Variants in NCKAP5 observed in about 807,000 individuals in gnomAD.
NCKAP5 encodes nck-associated protein 5.
Under a neutral mutation model 167.0 loss-of-function variants are expected in NCKAP5, and 92 were observed. That is an observed-to-expected ratio of 0.55 (90% confidence interval 0.47 to 0.66). The LOEUF (loss-of-function observed/expected upper bound fraction) is 0.66, where lower values mean the gene tolerates loss of function less well. Ranked by LOEUF, NCKAP5 falls within the 30% of genes least tolerant of loss-of-function variation. The pLI is 0.00. For missense variants in NCKAP5, 2,378 were observed against 2,315.0 expected (o/e 1.03, Z -0.56); for synonymous variants, 891 against 877.4 (o/e 1.02, Z -0.27).
intron 8 of NCKAP5, among the ~76,000 whole-genome samples, chr2:132,906,443 G>A (rs1461074723): frequency 6.6e-6 from 1 of 152,134 alleles, no homozygotes; most frequent in African/African-American, 2.4e-5. Context: ...GCCATGCAGA[G>A]GTGATATGGA....
intron 4 of NCKAP5, among the ~76,000 whole-genome samples, chr2:133,276,901 T>G (rs555483350): frequency 3.9e-5 from 6 of 152,130 alleles, no homozygotes; most frequent in Non-Finnish European, 8.8e-5. Flanking sequence ...CTTTAGTATA[T>G]GACACCCTGT....
intron 10 of NCKAP5, among the ~76,000 whole-genome samples, chr2:132,861,819 T>C (rs1423437657): frequency 1.3e-5 from 2 of 152,212 alleles, no homozygotes; most frequent in Non-Finnish European, 2.9e-5. Context: ...TGCTCTAGAC[T>C]TGTCAATTAC....
rs76025687 is a variant in NCKAP5, at chr2:132,892,997, G to GAAA, written c.580-14084_580-14082dup. The stretch of plus-strand genomic sequence containing the variant: ...TTGACCTCTGATCTATAAAAAAGCT[G>GAAA]AAAAAAAAAAAAAAAAAACCAGAAA... On this transcript the variant is annotated intron_variant, in intron 8 of 19. Coordinates refer to ENST00000409261, the MANE Select transcript of NCKAP5 (RefSeq NM_207363.3). Among the ~76,000 whole-genome samples the GAAA allele has an allele frequency of 4.2e-4, 45 of 107,668 alleles. No individual in the cohort carries two copies. In the East Asian group the frequency reaches 6.7e-3, roughly 16 times the overall value. 70.6% of individuals were successfully genotyped at this position (107,668 alleles called of 152,430 possible). A position where few individuals can be genotyped will look rare whatever the true frequency, so the allele number is the denominator to read the frequency against.
chr2:133,652,024 G>A, the NCKAP5 span, among the ~76,000 whole-genome samples: 4 of 152,162 alleles, frequency 2.6e-5, no homozygotes. Flanking sequence ...AATCTGAGTG[G>A]GAGAGCATGG....
chr2:133,344,205 C>T (rs948891420), intron 3 of NCKAP5, among the ~76,000 whole-genome samples: 2 of 152,130 alleles, frequency 1.3e-5, no homozygotes, highest in Non-Finnish European at 2.9e-5. Context: ...GTCAGGCATT[C>T]GAGACCAGCC....
At chr2:133,173,787 TACC>T (rs1308498873) in intron 5 of NCKAP5, among the ~76,000 whole-genome samples, 2 of 152,214 alleles carry the variant, frequency 1.3e-5, no homozygotes, top group East Asian at 3.8e-4. Context: ...ATGACAGATT[TACC>T]AAAAATAAAA....
At chr2:132,955,215 C>G (rs1490293289) in intron 8 of NCKAP5, among the ~76,000 whole-genome samples, 2 of 152,238 alleles carry the variant, frequency 1.3e-5, no homozygotes, top group African/African-American at 4.8e-5. Context: ...GCCCGTTCCT[C>G]TCACTGGCAA....
intron 19 of NCKAP5, among the ~76,000 whole-genome samples, chr2:132,684,615 G>T (rs570284722): frequency 6.6e-6 from 1 of 152,264 alleles, no homozygotes; most frequent in Non-Finnish European, 1.5e-5. Flanking sequence ...AGACATGGAT[G>T]GACTAGTTGT....
intron 6 of NCKAP5, among the ~76,000 whole-genome samples, chr2:133,112,436 T>C (rs535762352): frequency 6.6e-6 from 1 of 151,824 alleles, no homozygotes; most frequent in Admixed American, 6.6e-5. Context: ...ATCGCACCAC[T>C]GCACTCCAGC....
At chr2:132,992,255 C>T (rs1249164104) in intron 7 of NCKAP5, among the ~76,000 whole-genome samples, 1 of 152,180 alleles carries the variant, frequency 6.6e-6, no homozygotes, top group Admixed American at 6.5e-5. Context: ...AACGAATAGA[C>T]TGGGTTATGG....
chr2:133,584,531 G>A, the NCKAP5 span, among the ~76,000 whole-genome samples: 2 of 152,162 alleles, frequency 1.3e-5, no homozygotes, highest in Non-Finnish European at 2.9e-5. Flanking sequence ...TTGGGAGGCT[G>A]AGGCGGGTGG....
chr2:133,586,631 C>G, the NCKAP5 span, among the ~76,000 whole-genome samples: 1 of 152,050 alleles, frequency 6.6e-6, no homozygotes, highest in Non-Finnish European at 1.5e-5. Flanking sequence ...AGTCCATGTC[C>G]AATTTGTCTT....
Position 133,092,036 on chromosome 2 carries a change from C to T in NCKAP5, c.341+37942G>A, listed in dbSNP as rs189576986. 1.4e-4 allele frequency among the ~76,000 whole-genome samples: 21 copies of T among 152,332 alleles called. No homozygotes were observed. In the East Asian group the frequency reaches 3.7e-3, roughly 27 times the overall value. ...ATTTCAATGGTCTCATCACCCCAAC[C>T]TCTGACTCAATACTTAGTGTTTGAA... On this transcript the variant is annotated intron_variant, in intron 6 of 19. Transcript: ENST00000409261.
intron 6 of NCKAP5, among the ~76,000 whole-genome samples, chr2:133,054,476 AGGGAGCCT>A (rs765182457): frequency 7.2e-5 from 11 of 152,172 alleles, no homozygotes; most frequent in Non-Finnish European, 1.5e-4. Flanking sequence ...ACATGCCAAG[AGGGAGCCT>A]GGGAGAAGAA....
intron 6 of NCKAP5, among the ~76,000 whole-genome samples, chr2:133,109,770 A>G (rs1052546852): frequency 6.6e-6 from 1 of 152,154 alleles, no homozygotes; most frequent in Non-Finnish European, 1.5e-5. Context: ...CTGAAAAAAA[A>G]AAAACTTACG....
At chr2:133,126,251 T>C (rs1251305143) in intron 6 of NCKAP5, among the ~76,000 whole-genome samples, 1 of 152,230 alleles carries the variant, frequency 6.6e-6, no homozygotes, top group Non-Finnish European at 1.5e-5. Flanking sequence ...GGGAATCCCA[T>C]AACTACTGTT....
At chr2:133,323,133 T>C (rs1682177258) in intron 3 of NCKAP5, among the ~76,000 whole-genome samples, 2 of 152,200 alleles carry the variant, frequency 1.3e-5, no homozygotes. Context: ...TGTTTTCAAA[T>C]AGTTCCAAGT....
chr2:132,712,005 T>C (rs1341674842), intron 19 of NCKAP5, among the ~76,000 whole-genome samples: 1 of 152,250 alleles, frequency 6.6e-6, no homozygotes, highest in East Asian at 1.9e-4. Context: ...GACTCAGGTT[T>C]ACAAATCTAG....
At chr2:133,511,450 C>A (rs757310916) in intron 3 of NCKAP5, among the ~76,000 whole-genome samples, 3 of 152,188 alleles carry the variant, frequency 2.0e-5, no homozygotes, top group Non-Finnish European at 4.4e-5. Flanking sequence ...GGGCTGAGCT[C>A]GGCTGGTGGA....
Sources: allele counts gnomAD v4.1 joint callset (sites outside exome capture counted in the v4.1 genomes callset), GRCh38; gene constraint gnomAD v4.1.1; transcripts MANE v1.5; gene names NCBI Gene and HGNC (gene_info 2026-07-23, HGNC 2026-07-21).